The following ERBB4 variants were observed in gnomAD, a reference collection of about 807,000 sequenced individuals.
ERBB4 encodes the protein erb-b2 receptor tyrosine kinase 4.
Under a neutral mutation model 158.0 loss-of-function variants are expected in ERBB4, and 42 were observed. That is an observed-to-expected ratio of 0.27 (90% CI 0.21 to 0.34). The LOEUF (loss-of-function observed/expected upper bound fraction) is 0.34, where lower values mean the gene tolerates loss of function less well. ERBB4 is among the 10% of genes least tolerant of loss of function. ERBB4 has a pLI of 1.00. For missense variants in ERBB4, 1,333 were observed against 1,624.1 expected, an observed-to-expected ratio of 0.82 and a Z score of 3.08; for synonymous variants, 583 against 558.7, an observed-to-expected ratio of 1.04 and a Z score of -0.61.
intron 1 of ERBB4, among the ~76,000 whole-genome samples, chr2:212,249,969 A>C (rs16848085): frequency 0.035 from 5,375 of 152,132 alleles, 292 homozygotes; most frequent in African/African-American, 0.12. Flanking sequence ...TAAAGGTTTG[A>C]GTTGTAGATA....
intron 3 of ERBB4, among the ~76,000 whole-genome samples, chr2:211,857,827 T>C (rs1237142054): frequency 6.6e-6 from 1 of 152,192 alleles, no homozygotes; most frequent in African/African-American, 2.4e-5. Flanking sequence ...AAAAGGTAAT[T>C]TGAAAGTACT....
chr2:212,146,689 C>T (rs747656821), intron 1 of ERBB4, among the ~76,000 whole-genome samples: 5 of 152,130 alleles, frequency 3.3e-5, no homozygotes, highest in African/African-American at 9.7e-5. Context: ...TCCCTAACTA[C>T]GGCAAGCATT....
At chr2:211,707,371 C>T (rs1366597804) in intron 9 of ERBB4, among the ~76,000 whole-genome samples, 1 of 152,108 alleles carries the variant, frequency 6.6e-6, no homozygotes, top group Non-Finnish European at 1.5e-5. Flanking sequence ...GTTAACTTCC[C>T]TAACTAAATT....
At chr2:211,549,493 T>C (rs2067024962) in intron 20 of ERBB4, among the ~76,000 whole-genome samples, 1 of 152,082 alleles carries the variant, frequency 6.6e-6, no homozygotes, top group Non-Finnish European at 1.5e-5. Context: ...ATCCAGGCCC[T>C]GGAGGACTGA....
rs144639575 is a variant in ERBB4, at chr2:212,347,611, T to C, written c.82+190838A>G. The stretch of plus-strand genomic sequence containing the variant: ...CAGAACTGTTGCAGATATTTGATTG[T>C]CTAAAATTTTGGAATATTTGCAGTA... On this transcript the variant is annotated intron_variant, in intron 1 of 27. Transcript: ENST00000342788. Among the ~76,000 whole-genome samples the C allele has an allele frequency of 2.9e-3, 445 of 152,250 alleles. 4 individuals carry two copies. Among genetic ancestry groups the C allele is most frequent in the African/African-American group, 9.9e-3 (413 of 41,574 alleles).
chr2:212,000,321 A>G (rs2076075202), intron 2 of ERBB4, among the ~76,000 whole-genome samples: 2 of 151,920 alleles, frequency 1.3e-5, no homozygotes, highest in Non-Finnish European at 2.9e-5. Context: ...GAGGAATTAG[A>G]AATCACACAG....
intron 1 of ERBB4, among the ~76,000 whole-genome samples, chr2:212,157,936 C>T (rs540667198): frequency 6.6e-6 from 1 of 152,156 alleles, no homozygotes; most frequent in South Asian, 2.1e-4. Flanking sequence ...AAACTAAATA[C>T]ACAAATCTGA....
rs1317866931 is a variant in ERBB4, at chr2:212,119,225, G to A, written c.234+5527C>T. 3.9e-5 allele frequency among the ~76,000 whole-genome samples: 6 copies of A among 152,042 alleles called. No individual in the cohort carries two copies. In the East Asian group the frequency reaches 1.2e-3, roughly 29 times the overall value. ...AGATTAAAAATTATTACCCGTTATA[G>A]CAATGACTGAGGATAGGTGTTAACA... On this transcript the variant is annotated intron_variant, in intron 2 of 27. Coordinates refer to ENST00000342788, the MANE Select transcript of ERBB4 (RefSeq NM_005235.3).
At chr2:211,711,447 G>C (rs529669190) in intron 9 of ERBB4, among the ~76,000 whole-genome samples, 1 of 152,112 alleles carries the variant, frequency 6.6e-6, no homozygotes, top group African/African-American at 2.4e-5. Context: ...CAGTTAAAAC[G>C]AGTAGGGGGT....
chr2:212,237,836 C>G lies in ERBB4; in HGVS notation c.83-112933G>C, dbSNP rs545067950. 2.0e-5 allele frequency among the ~76,000 whole-genome samples: 3 copies of G among 152,314 alleles called. No individual in the cohort carries two copies. The South Asian group carries it at 6.2e-4, about 32-fold the overall frequency. On this transcript the variant is annotated intron_variant, in intron 1 of 27. Coordinates refer to ENST00000342788, the MANE Select transcript of ERBB4 (RefSeq NM_005235.3). The stretch of plus-strand genomic sequence containing the variant: ...ATCGGCTTTGCAGGGCTGCAGAGGA[C>G]TGTGCCCAGTTCGAACTTCCAAGTG...
chr2:212,321,258 CGTT>C (rs1320526485), intron 1 of ERBB4, among the ~76,000 whole-genome samples: 1 of 149,828 alleles, frequency 6.7e-6, no homozygotes, highest in Non-Finnish European at 1.5e-5. Context: ...AGAACAACTA[CGTT>C]TATTAACAAA....
At chr2:212,107,975 G>T (rs574891752) in intron 2 of ERBB4, among the ~76,000 whole-genome samples, 2 of 151,888 alleles carry the variant, frequency 1.3e-5, no homozygotes, top group Non-Finnish European at 2.9e-5. Flanking sequence ...ACACAGTCTC[G>T]GGTTTGTCTT....
chr2:211,402,994 C>T (rs12998535), intron 25 of ERBB4, among the ~76,000 whole-genome samples: 32,706 of 151,888 alleles, frequency 0.22, 4,099 homozygotes, highest in East Asian at 0.28. Flanking sequence ...AGTTATAGGC[C>T]TGATGAAGAA....
intron 19 of ERBB4, among the ~76,000 whole-genome samples, chr2:211,585,331 G>A (rs1005253689): frequency 1.5e-5 from 2 of 129,326 alleles, no homozygotes; most frequent in African/African-American, 5.7e-5. Flanking sequence ...CAGCCTGGGC[G>A]AGAGAGCGAG....
At chr2:211,939,817 G>A (rs144257923) in intron 3 of ERBB4, among the ~76,000 whole-genome samples, 7,924 of 151,794 alleles carry the variant, frequency 0.052, 371 homozygotes, top group African/African-American at 0.12. Context: ...CATGGTGGGG[G>A]GCGCCTGTAG....
intron 16 of ERBB4, among the ~76,000 whole-genome samples, chr2:211,639,201 A>G (rs1170106667): frequency 6.6e-6 from 1 of 152,176 alleles, no homozygotes; most frequent in Non-Finnish European, 1.5e-5. Flanking sequence ...TGTTATCTAG[A>G]TAGAATATAT....
At chr2:212,448,300 A>T (rs935263507) in intron 1 of ERBB4, among the ~76,000 whole-genome samples, 1 of 152,200 alleles carries the variant, frequency 6.6e-6, no homozygotes, top group Admixed American at 6.5e-5. Flanking sequence ...AGAGATACAC[A>T]CATGAATTGC....
At chr2:211,960,096 T>C (rs1483133015) in intron 2 of ERBB4, among the ~76,000 whole-genome samples, 1 of 152,144 alleles carries the variant, frequency 6.6e-6, no homozygotes, top group Non-Finnish European at 1.5e-5. Flanking sequence ...CACAGGGATT[T>C]AGCACCTAGA....
intron 12 of ERBB4, among the ~76,000 whole-genome samples, chr2:211,685,697 A>G (rs190811056): frequency 3.0e-4 from 45 of 152,292 alleles, no homozygotes; most frequent in African/African-American, 1.0e-3. Flanking sequence ...CTAAAGCTGT[A>G]TATCAGTTTA....
Sources: allele counts gnomAD v4.1 joint callset (sites outside exome capture counted in the v4.1 genomes callset), GRCh38; gene constraint gnomAD v4.1.1; transcripts MANE v1.5; gene names NCBI Gene and HGNC (gene_info 2026-07-23, HGNC 2026-07-21).